Variants in CECR2 observed in about 807,000 individuals in gnomAD.
CECR2 encodes chromatin remodeling regulator CECR2.
In CECR2, 30 loss-of-function variants were observed where a neutral mutation model predicts 154.5. The ratio of observed to expected loss-of-function variants is 0.19; its 90% CI spans 0.15 to 0.26. The LOEUF is 0.26. CECR2 is among the 10% of genes least tolerant of loss of function. The pLI is 1.00. For synonymous variants in CECR2, 725 were observed against 683.7 expected, an observed-to-expected ratio of 1.06 and a Z score of -0.94; for missense variants, 1,743 against 1,829.3, an observed-to-expected ratio of 0.95 and a Z score of 0.86.
Position 17,542,805 on chromosome 22 carries a change from A to T in CECR2, c.2662A>T (p.Met888Leu). The T allele has an allele frequency of 6.2e-7, 1 of 1,613,866 alleles. No homozygotes were observed. The highest frequency in any genetic ancestry group is 1.3e-5 in the African/African-American group (1 of 75,022). The change falls in exon 16 of 19, where the codon ATG becomes TTG. Residue 888 changes from methionine (M) to leucine (L), a missense_variant. Transcript: ENST00000262608. ...SMMDSPEMIA[M>L]QQLSSRVCPP... ...GATGGACAGCCCAGAGATGATTGCG[A>T]TGCAGCAGCTCTCCTCCCGCGTCTG...
At position 17,389,877 on chromosome 22, in the gene CECR2, C is replaced by T. The variant is rs1435529671; in HGVS notation, c.126+19968C>T. On this transcript the variant is annotated intron_variant, in intron 1 of 18. Transcript: ENST00000262608. ...TCCTGACCTCAGATGATCCGCCCAC[C>T]TCGGCGTCCCAAAATGCTGGGATTA... is the stretch of plus-strand genomic sequence containing the variant. Among the ~76,000 whole-genome samples, 4 of 152,148 alleles carry T rather than the reference C, an allele frequency of 2.6e-5. No individual in the cohort carries two copies. The South Asian group carries it at 6.2e-4, about 24-fold the overall frequency.
intron 9 of CECR2, among the ~76,000 whole-genome samples, chr22:17,531,324 G>T (rs1246248198): frequency 6.6e-6 from 1 of 152,220 alleles, no homozygotes; most frequent in Non-Finnish European, 1.5e-5. Flanking sequence ...GCTGCCAAGT[G>T]CGGCTTCGCA....
At chr22:17,397,048 G>A (rs924524557) in intron 1 of CECR2, among the ~76,000 whole-genome samples, 4 of 152,100 alleles carry the variant, frequency 2.6e-5, no homozygotes, top group African/African-American at 9.7e-5. Context: ...TGCATGCTAG[G>A]TGTTATACAG....
At chr22:17,406,696 C>G (rs999621429) in intron 1 of CECR2, among the ~76,000 whole-genome samples, 6 of 152,124 alleles carry the variant, frequency 3.9e-5, no homozygotes, top group Non-Finnish European at 5.9e-5. Flanking sequence ...GTCTGGAAAT[C>G]CTGCCAGCTC....
Position 17,554,390 on chromosome 22 carries a change from A to C in CECR2, c.*1550A>C, listed in dbSNP as rs2056750766. ...TATAAATTCAGCTGTGGGAGGGGCC[A>C]GTAGAGTGTTTCCCTCCAATTCCAG... On this transcript the variant is annotated 3_prime_UTR_variant, in exon 19 of 19. Transcript: ENST00000262608. 1 of 152,212 alleles carries C rather than the reference A, an allele frequency of 6.6e-6. No individual in the cohort carries two copies. The highest frequency in any genetic ancestry group is 2.4e-5 in the African/African-American group (1 of 41,462). 9.4% of individuals were successfully genotyped at this position (152,212 alleles called of 1,614,324 possible).
chr22:17,382,054 ATT>A (rs10680101), intron 1 of CECR2, among the ~76,000 whole-genome samples: 28,850 of 146,034 alleles, frequency 0.2, 4,390 homozygotes, highest in African/African-American at 0.44. Context: ...CGCCCTGCTA[ATT>A]TTTTTTTTTT....
intron 1 of CECR2, among the ~76,000 whole-genome samples, chr22:17,430,485 C>T (rs1217543051): frequency 1.3e-5 from 2 of 152,124 alleles, no homozygotes; most frequent in African/African-American, 4.8e-5. Flanking sequence ...ACTCAATTAT[C>T]TCTAACCCTC....
chr22:17,456,170 G>C (rs2146715592), intron 1 of CECR2, among the ~76,000 whole-genome samples: 1 of 152,204 alleles, frequency 6.6e-6, no homozygotes, highest in East Asian at 1.9e-4. Flanking sequence ...ATAGTCTACT[G>C]TTGTACCATT....
upstream of CECR2, among the ~76,000 whole-genome samples, chr22:17,365,047 A>C (rs1193287962): frequency 6.6e-6 from 1 of 152,070 alleles, no homozygotes; most frequent in Non-Finnish European, 1.5e-5. Flanking sequence ...CAACATGAAG[A>C]AACCCTATCT....
chr22:17,553,727 G>C lies in CECR2; in HGVS notation c.*887G>C, dbSNP rs2056742811. The C allele has an allele frequency of 6.6e-6, 1 of 152,164 alleles. No individual in the cohort carries two copies. Among genetic ancestry groups the C allele is most frequent in the Non-Finnish European group, 1.5e-5 (1 of 68,024 alleles). 9.4% of individuals were successfully genotyped at this position (152,164 alleles called of 1,614,324 possible). A position where few individuals can be genotyped will look rare whatever the true frequency, so the allele number is the denominator to read the frequency against. On this transcript the variant is annotated 3_prime_UTR_variant, in exon 19 of 19. Coordinates refer to ENST00000262608, the MANE Select transcript of CECR2 (RefSeq NM_001290047.2). ...GTGTCCCTTCCTGATTTTGCCACCA[G>C]CCCTACCGAATAGTTGTAAACCAGT... is the stretch of plus-strand genomic sequence containing the variant.
At chr22:17,426,194 A>T (rs1249906435) in intron 1 of CECR2, among the ~76,000 whole-genome samples, 1 of 152,226 alleles carries the variant, frequency 6.6e-6, no homozygotes, top group Non-Finnish European at 1.5e-5. Context: ...CTTTAAAAAA[A>T]CAAAAACCCA....
At position 17,554,196 on chromosome 22, in the gene CECR2, A is replaced by G. The variant is rs986406269; in HGVS notation, c.*1356A>G. 6.6e-6 allele frequency: 1 copy of G among 152,218 alleles called. No individual in the cohort carries two copies. Among genetic ancestry groups the G allele is most frequent in the Non-Finnish European group, 1.5e-5 (1 of 68,038 alleles). The allele number at this position is 152,218 out of a possible 1,614,324, so 9.4% of individuals were successfully genotyped here. A position where few individuals can be genotyped will look rare whatever the true frequency, so the allele number is the denominator to read the frequency against. The stretch of plus-strand genomic sequence containing the variant: ...AGCATTCTGTATTTGATTTTAGCTG[A>G]AAGGTCACCAAAGTTAGGACCCATG... On this transcript the variant is annotated 3_prime_UTR_variant, in exon 19 of 19. Coordinates refer to ENST00000262608, the MANE Select transcript of CECR2 (RefSeq NM_001290047.2).
chr22:17,551,207 T>C (rs1431014975), intron 17 of CECR2, among the ~76,000 whole-genome samples: 1 of 152,234 alleles, frequency 6.6e-6, no homozygotes, highest in East Asian at 1.9e-4. Context: ...GGACATGCCT[T>C]GGAGCACCAT....
intron 2 of CECR2, among the ~76,000 whole-genome samples, chr22:17,481,134 G>A (rs922932629): frequency 6.0e-5 from 9 of 150,436 alleles, no homozygotes; most frequent in African/African-American, 2.0e-4. Flanking sequence ...ACGAGGTCAG[G>A]AAATCAAGAC....
At chr22:17,458,480 T>C (rs1055288943) in intron 1 of CECR2, among the ~76,000 whole-genome samples, 4 of 151,258 alleles carry the variant, frequency 2.6e-5, no homozygotes, top group African/African-American at 9.7e-5. Context: ...TGGTGCAGTT[T>C]TAATACGGTG....
At chr22:17,377,177 A>G (rs1410347312) in intron 1 of CECR2, among the ~76,000 whole-genome samples, 3 of 152,232 alleles carry the variant, frequency 2.0e-5, no homozygotes, top group Admixed American at 1.3e-4. Context: ...TAGGATCCAC[A>G]TCTTACAAAT....
At chr22:17,439,876 T>G (rs1008301617) in intron 1 of CECR2, among the ~76,000 whole-genome samples, 4 of 152,156 alleles carry the variant, frequency 2.6e-5, no homozygotes, top group Admixed American at 6.5e-5. Context: ...GGATGTTACC[T>G]GCGTACCGTG....
At chr22:17,527,693 G>A (rs938682008) in intron 9 of CECR2, among the ~76,000 whole-genome samples, 1 of 151,644 alleles carries the variant, frequency 6.6e-6, no homozygotes, top group Non-Finnish European at 1.5e-5. Context: ...CTTGAACCTG[G>A]GAGACAGAGG....
chr22:17,460,499 C>T (rs1206484980), intron 1 of CECR2, among the ~76,000 whole-genome samples: 3 of 152,168 alleles, frequency 2.0e-5, no homozygotes, highest in Non-Finnish European at 4.4e-5. Context: ...CGTGAGCCAC[C>T]GCGCCCAGCC....
Sources: allele counts gnomAD v4.1 joint callset (sites outside exome capture counted in the v4.1 genomes callset), GRCh38; gene constraint gnomAD v4.1.1; transcripts MANE v1.5; gene names NCBI Gene and HGNC (gene_info 2026-07-23, HGNC 2026-07-21).